Variants in GAN observed in about 807,000 individuals in gnomAD.
The protein encoded by GAN is epididymis secretory sperm binding protein.
Under a neutral mutation model 71.3 loss-of-function variants are expected in GAN, and 48 were observed. That is an observed-to-expected ratio of 0.67 (90% CI 0.53 to 0.86). The LOEUF (loss-of-function observed/expected upper bound fraction) is 0.86, where lower values mean the gene tolerates loss of function less well. GAN is among the 40% of genes least tolerant of loss of function. The probability of loss-of-function intolerance (pLI) is 0.00; values close to 1 mark genes in which losing one functional copy is unlikely to be tolerated. For missense variants in GAN, 928 were observed against 770.1 expected, an observed-to-expected ratio of 1.21 and a Z score of -2.43; for synonymous variants, 386 against 276.8, an observed-to-expected ratio of 1.39 and a Z score of -3.92.
intron 1 of GAN, among the ~76,000 whole-genome samples, chr16:81,322,381 C>T (rs965067604): frequency 2.0e-5 from 3 of 152,212 alleles, no homozygotes; most frequent in Non-Finnish European, 4.4e-5. Context: ...ATGGTGGCAA[C>T]CAACTGGCAA....
chr16:81,367,983 T>G (rs1408079518), intron 9 of GAN, among the ~76,000 whole-genome samples: 1 of 152,248 alleles, frequency 6.6e-6, no homozygotes, highest in Non-Finnish European at 1.5e-5. Context: ...ATTGGCATAG[T>G]GTGGAAACTG....
chr16:81,366,819 CT>C (rs956885911), intron 9 of GAN, among the ~76,000 whole-genome samples: 1 of 151,244 alleles, frequency 6.6e-6, no homozygotes, highest in Non-Finnish European at 1.5e-5. Flanking sequence ...GGGATGAAGT[CT>C]TTTTTTTTCT....
intron 9 of GAN, among the ~76,000 whole-genome samples, chr16:81,376,662 G>GTA: frequency 1.1e-5 from 1 of 87,474 alleles, no homozygotes; most frequent in East Asian, 3.7e-4. Flanking sequence ...GTGTATATAT[G>GTA]TGTGTATATA....
intron 4 of GAN, among the ~76,000 whole-genome samples, chr16:81,357,555 C>T (rs926583111): frequency 6.6e-6 from 1 of 152,044 alleles, no homozygotes; most frequent in East Asian, 1.9e-4. Flanking sequence ...TGAATAGTGC[C>T]GCAATAAACA....
chr16:81,373,741 T>C (rs1904274518), intron 9 of GAN, among the ~76,000 whole-genome samples: 1 of 152,162 alleles, frequency 6.6e-6, no homozygotes, highest in East Asian at 1.9e-4. Context: ...TAATCTGTGA[T>C]AGTTCTTCAT....
intron 1 of GAN, among the ~76,000 whole-genome samples, chr16:81,347,264 T>C (rs1157179379): frequency 1.3e-5 from 2 of 152,194 alleles, no homozygotes; most frequent in Non-Finnish European, 2.9e-5. Context: ...CACTGGAAAC[T>C]GTACGGGCAG....
intron 1 of GAN, among the ~76,000 whole-genome samples, chr16:81,317,897 G>C (rs927114423): frequency 6.6e-6 from 1 of 151,886 alleles, no homozygotes; most frequent in African/African-American, 2.4e-5. Flanking sequence ...GGATAAACAT[G>C]AATCAGTCAA....
In GAN at chr16:81,380,188, T is replaced by G. The variant is rs1027540233; in HGVS notation, c.*2592T>G. 1 of 152,648 alleles carries G rather than the reference T, an allele frequency of 6.6e-6. No homozygotes were observed. The highest frequency in any genetic ancestry group is 1.5e-5 in the Non-Finnish European group (1 of 68,022). The allele number at this position is 152,648 out of a possible 1,614,324, so 9.5% of individuals were successfully genotyped here. A position where few individuals can be genotyped will look rare whatever the true frequency, so the allele number is the denominator to read the frequency against. On this transcript the variant is annotated 3_prime_UTR_variant, in exon 11 of 11. Transcript: ENST00000648994. ...AAATGTTGACTCATTTCATGCAGGTTTGTGTTTTAACATTCCACTTATGCC... is the reference window on the plus strand; with the variant it reads ...AAATGTTGACTCATTTCATGCAGGTGTGTGTTTTAACATTCCACTTATGCC...
At chr16:81,370,529 C>T (rs1911005449) in intron 9 of GAN, among the ~76,000 whole-genome samples, 1 of 152,216 alleles carries the variant, frequency 6.6e-6, no homozygotes, top group East Asian at 1.9e-4. Context: ...AGGGAAAACA[C>T]CCAAGGAAGG....
chr16:81,369,893 A>G (rs1325239492), intron 9 of GAN, among the ~76,000 whole-genome samples: 2 of 152,362 alleles, frequency 1.3e-5, no homozygotes, highest in East Asian at 1.9e-4. Flanking sequence ...TTTAATGCAC[A>G]CAGAGAAAGT....
At chr16:81,321,791 T>A (rs1052196370) in intron 1 of GAN, among the ~76,000 whole-genome samples, 6 of 152,186 alleles carry the variant, frequency 3.9e-5, no homozygotes, top group Non-Finnish European at 7.4e-5. Flanking sequence ...TGAGTTTGAA[T>A]TCTGGGTTAA....
chr16:81,337,223 C>T (rs1200877443), intron 1 of GAN, among the ~76,000 whole-genome samples: 2 of 152,072 alleles, frequency 1.3e-5, no homozygotes, highest in African/African-American at 4.8e-5. Context: ...CTACACAGGC[C>T]CCTCTTCAAA....
intron 1 of GAN, among the ~76,000 whole-genome samples, chr16:81,320,409 C>T (rs1909187297): frequency 6.6e-6 from 1 of 152,202 alleles, no homozygotes; most frequent in South Asian, 2.1e-4. Flanking sequence ...AGATTCTTTG[C>T]TTCCCTGTTA....
At chr16:81,350,907 C>G (rs1410313234) in intron 1 of GAN, among the ~76,000 whole-genome samples, 2 of 152,130 alleles carry the variant, frequency 1.3e-5, no homozygotes, top group African/African-American at 4.8e-5. Context: ...GGAGACAACC[C>G]CAGATGCCCA....
intron 1 of GAN, among the ~76,000 whole-genome samples, chr16:81,338,508 G>T (rs1483697888): frequency 6.6e-6 from 1 of 152,096 alleles, no homozygotes; most frequent in East Asian, 1.9e-4. Context: ...AAAACAAAGT[G>T]CAAGATGAGA....
At chr16:81,331,406 A>G (rs542282402) in intron 1 of GAN, among the ~76,000 whole-genome samples, 2 of 152,360 alleles carry the variant, frequency 1.3e-5, no homozygotes, top group Non-Finnish European at 2.9e-5. Flanking sequence ...TGATACTGGA[A>G]TAAAGCATGT....
intron 2 of GAN, among the ~76,000 whole-genome samples, chr16:81,353,908 C>G (rs1205582484): frequency 6.6e-6 from 1 of 152,142 alleles, no homozygotes; most frequent in Non-Finnish European, 1.5e-5. Flanking sequence ...CGGAATGAGG[C>G]TTCTGAAACA....
At chr16:81,365,300 A>T in intron 8 of GAN, 50 bp from the exon 9 acceptor site, 1 of 1,612,314 alleles carries the variant, frequency 6.2e-7, no homozygotes, top group Non-Finnish European at 8.5e-7. Context: ...CGGGAGTGAG[A>T]TCTCGCATTG....
chr16:81,354,337 TA>T lies in GAN; in HGVS notation c.283-66del, dbSNP rs1910411518. The stretch of plus-strand genomic sequence containing the variant: ...AATGGAAATTTCATGTGGCCCCAAT[TA>T]ATAGGTTAGTGGTTTGGGTTTTAAA... On this transcript the variant is annotated intron_variant, in intron 2 of 10. Coordinates refer to ENST00000648994, the MANE Select transcript of GAN (RefSeq NM_022041.4). 2.8e-5 allele frequency: 27 copies of T among 954,884 alleles called. No homozygotes were observed. In the South Asian group the frequency reaches 3.6e-4, roughly 13 times the overall value. The allele number at this position is 954,884 out of a possible 1,614,324, so 59.2% of individuals were successfully genotyped here. A position where few individuals can be genotyped will look rare whatever the true frequency, so the allele number is the denominator to read the frequency against.
Sources: allele counts gnomAD v4.1 joint callset (sites outside exome capture counted in the v4.1 genomes callset), GRCh38; gene constraint gnomAD v4.1.1; transcripts MANE v1.5; gene names NCBI Gene and HGNC (gene_info 2026-07-23, HGNC 2026-07-21).